The following SLC15A4 variants were observed in gnomAD, a reference collection of about 807,000 sequenced individuals.
SLC15A4 encodes the protein solute carrier family 15 member 4, also known as hPHT1.
SLC15A4 carries 26 observed loss-of-function variants against 46.1 expected under a neutral mutation model. The ratio of observed to expected loss-of-function variants is 0.56; its 90% CI spans 0.41 to 0.78. The LOEUF is 0.78. Among genes scored for constraint, SLC15A4 ranks in the 30% least tolerant of loss-of-function variants. The pLI is 0.00. For synonymous variants in SLC15A4, 370 were observed against 333.4 expected, an observed-to-expected ratio of 1.11 and a Z score of -1.20; for missense variants, 751 against 755.7, an observed-to-expected ratio of 0.99 and a Z score of 0.07.
intron 1 of SLC15A4, among the ~76,000 whole-genome samples, chr12:128,822,484 T>C (rs2135727218): frequency 6.6e-6 from 1 of 152,368 alleles, no homozygotes; most frequent in South Asian, 2.1e-4. Context: ...TGCTCTTTCC[T>C]AGCCTTCTGG....
At chr12:128,800,606 T>C (rs1351672619) in intron 6 of SLC15A4, among the ~76,000 whole-genome samples, 1 of 152,390 alleles carries the variant, frequency 6.6e-6, no homozygotes, top group African/African-American at 2.4e-5. Flanking sequence ...TTCTCTGTCC[T>C]GTGGCACTTA....
chr12:128,818,544 ACC>A (rs1955790226), intron 1 of SLC15A4, among the ~76,000 whole-genome samples: 1 of 152,234 alleles, frequency 6.6e-6, no homozygotes, highest in Non-Finnish European at 1.5e-5. Flanking sequence ...AAGCAGCCGC[ACC>A]TGGAGGGGGA....
At chr12:128,807,910 T>C (rs550640873) in intron 5 of SLC15A4, among the ~76,000 whole-genome samples, 19 of 152,354 alleles carry the variant, frequency 1.2e-4, no homozygotes, top group Non-Finnish European at 2.6e-4. Context: ...TATCAATACA[T>C]TCAGTCTGGC....
intron 5 of SLC15A4, 29 bp downstream of exon 5, chr12:128,808,759 G>A (rs985505477): frequency 1.2e-6 from 2 of 1,611,258 alleles, no homozygotes; most frequent in South Asian, 2.2e-5. Flanking sequence ...AGTCGGGCCT[G>A]AGGAGGAACG....
chr12:128,808,168 T>C (rs1184064255), intron 5 of SLC15A4, among the ~76,000 whole-genome samples: 3 of 152,212 alleles, frequency 2.0e-5, no homozygotes, highest in Non-Finnish European at 4.4e-5. Context: ...GATAAACAAC[T>C]CATTTCAGCA....
rs559662438 is a variant in SLC15A4, at chr12:128,793,539, T to A, written c.*657A>T. 2 of 152,334 alleles carry A rather than the reference T, an allele frequency of 1.3e-5. No individual in the cohort carries two copies. The highest frequency in any genetic ancestry group is 2.9e-5 in the Non-Finnish European group (2 of 68,036). The allele number at this position is 152,334 out of a possible 1,614,324, so 9.4% of individuals were successfully genotyped here. On this transcript the variant is annotated 3_prime_UTR_variant, in exon 8 of 8. Coordinates refer to ENST00000266771, the MANE Select transcript of SLC15A4 (RefSeq NM_145648.4). Reference sequence around the variant, plus strand: ...GGGACACATGGTCTCAAATGACTCTTATGCATGCCTTGCCTTAAGAAAGAA... The same window carrying A: ...GGGACACATGGTCTCAAATGACTCTAATGCATGCCTTGCCTTAAGAAAGAA...
intron 1 of SLC15A4, 90 bp downstream of exon 1, chr12:128,823,308 G>T: frequency 2.5e-6 from 3 of 1,221,708 alleles, no homozygotes; most frequent in South Asian, 4.0e-5. Context: ...CTCCCTCCGC[G>T]GTCAGAGGCA....
chr12:128,810,244 A>G, intron 2 of SLC15A4, 133 bp from the exon 3 acceptor site: 1 of 770,648 alleles, frequency 1.3e-6, no homozygotes, highest in Non-Finnish European at 2.1e-6. Flanking sequence ...ATCACTTACT[A>G]ATTGTACACA....
intron 5 of SLC15A4, among the ~76,000 whole-genome samples, chr12:128,803,565 C>T (rs1566047948): frequency 6.6e-6 from 1 of 152,182 alleles, no homozygotes; most frequent in Admixed American, 6.5e-5. Context: ...TACCTTCCAA[C>T]CCAACGGCTG....
intron 1 of SLC15A4, 21 bp from the exon 2 acceptor site, chr12:128,815,091 G>C: frequency 6.3e-7 from 1 of 1,599,368 alleles, no homozygotes; most frequent in Non-Finnish European, 8.6e-7. Context: ...AGGGAGGAAA[G>C]ACACTTGAAA....
intron 5 of SLC15A4, among the ~76,000 whole-genome samples, chr12:128,805,589 A>T (rs370300937): frequency 6.6e-6 from 1 of 152,064 alleles, no homozygotes; most frequent in African/African-American, 2.4e-5. Context: ...CTGGAGTGCA[A>T]TGGCATGATC....
intron 2 of SLC15A4, 135 bp from the exon 3 acceptor site, chr12:128,810,246 T>C (rs1375623750): frequency 3.9e-6 from 3 of 766,992 alleles, no homozygotes; most frequent in African/African-American, 1.8e-5. Flanking sequence ...CACTTACTAA[T>C]TGTACACACC....
At chr12:128,817,672 A>T (rs1401963785) in intron 1 of SLC15A4, among the ~76,000 whole-genome samples, 2 of 152,198 alleles carry the variant, frequency 1.3e-5, no homozygotes, top group East Asian at 3.8e-4. Flanking sequence ...CTAACCTTAA[A>T]ATGCCATTCA....
At position 128,793,797 on chromosome 12, in the gene SLC15A4, C is replaced by A; in HGVS notation, c.*399G>T. On this transcript the variant is annotated 3_prime_UTR_variant, in exon 8 of 8. Transcript: ENST00000266771. ...TAACAGTTTATTAATTTTTTTTTTA[C>A]AGTGAGATATGGCTATGGGAAGCAG... The A allele has an allele frequency of 7.1e-6, 1 of 140,118 alleles. No individual in the cohort carries two copies. Among genetic ancestry groups the A allele is most frequent in the Non-Finnish European group, 1.5e-5 (1 of 65,878 alleles). 8.7% of individuals were successfully genotyped at this position (140,118 alleles called of 1,614,324 possible). A position where few individuals can be genotyped will look rare whatever the true frequency, so the allele number is the denominator to read the frequency against.
At chr12:128,810,225 A>T (rs1258673107) in intron 2 of SLC15A4, 114 bp from the exon 3 acceptor site, 3 of 963,970 alleles carry the variant, frequency 3.1e-6, no homozygotes, top group Non-Finnish European at 4.7e-6. Flanking sequence ...ATCTGCTTCA[A>T]CTCATTCCAT....
intron 7 of SLC15A4, 103 bp downstream of exon 7, chr12:128,799,156 G>C: frequency 7.7e-7 from 1 of 1,303,276 alleles, no homozygotes; most frequent in East Asian, 2.3e-5. Flanking sequence ...GCTCGGGACA[G>C]GCCATCCACG....
chr12:128,816,212 G>A (rs1160367909), intron 1 of SLC15A4, among the ~76,000 whole-genome samples: 1 of 152,142 alleles, frequency 6.6e-6, no homozygotes, highest in Non-Finnish European at 1.5e-5. Context: ...GTGGGAACAG[G>A]TCATTTGGGG....
intron 5 of SLC15A4, among the ~76,000 whole-genome samples, chr12:128,804,123 G>C (rs1269145166): frequency 1.3e-5 from 2 of 152,154 alleles, no homozygotes; most frequent in African/African-American, 4.8e-5. Context: ...TTTTGAGAGA[G>C]TGATATTTGG....
chr12:128,799,875 CTT>C (rs1175402217), intron 6 of SLC15A4, among the ~76,000 whole-genome samples: 4 of 152,214 alleles, frequency 2.6e-5, no homozygotes, highest in African/African-American at 9.6e-5. Context: ...GAGTTTTGCT[CTT>C]GTTGCCCAGG....
Sources: gnomAD v4.1 joint callset for allele counts (sites outside exome capture counted in the v4.1 genomes callset) on GRCh38, gnomAD v4.1.1 for gene constraint, MANE v1.5 for transcripts, NCBI Gene and HGNC (gene_info 2026-07-23, HGNC 2026-07-21) for gene names.